The following MLIP variants were observed in gnomAD, a reference collection of about 807,000 sequenced individuals.
MLIP encodes muscular LMNA-interacting protein.
MLIP carries 79 observed loss-of-function variants against 84.8 expected under a neutral mutation model. That is an observed-to-expected ratio of 0.93 (90% confidence interval 0.78 to 1.12). The LOEUF is 1.12. MLIP is among the 50% of genes most tolerant of loss of function. The pLI is 0.00. For missense variants in MLIP, 1,257 were observed against 1,160.6 expected (o/e 1.08, Z -1.21); for synonymous variants, 504 against 463.0 (o/e 1.09, Z -1.14).
Position 54,238,920 on chromosome 6 carries a change from T to C in MLIP, c.2922+8003T>C, listed in dbSNP as rs9395915. Among the ~76,000 whole-genome samples the C allele has an allele frequency of 2.8e-3, 430 of 152,332 alleles. 6 individuals carry two copies. The highest frequency in any genetic ancestry group is 0.02 in the South Asian group (98 of 4,828). The stretch of plus-strand genomic sequence containing the variant: ...GATCTTTGTGTGTTGTTTGTAACCA[T>C]ACACTATTTTATTTCAAGTCTGCTT... On this transcript the variant is annotated intron_variant, in intron 12 of 13. Coordinates refer to ENST00000502396, the MANE Select transcript of MLIP (RefSeq NM_001281747.2).
chr6:54,191,122 T>G (rs1777883481), intron 10 of MLIP, among the ~76,000 whole-genome samples: 1 of 152,084 alleles, frequency 6.6e-6, no homozygotes, highest in South Asian at 2.1e-4. Context: ...CTTTGGCTAT[T>G]TATTGTCTAA....
intron 7 of MLIP, 44 bp from the exon 8 acceptor site, chr6:54,160,696 C>T (rs774639482): frequency 6.9e-5 from 104 of 1,514,104 alleles, no homozygotes; most frequent in East Asian, 9.1e-5. Context: ...TTGTCCTTTT[C>T]TTTCCTTTTC....
At chr6:54,232,995 TA>T (rs1781110875) in intron 12 of MLIP, among the ~76,000 whole-genome samples, 1 of 152,178 alleles carries the variant, frequency 6.6e-6, no homozygotes, top group African/African-American at 2.4e-5. Context: ...CCTCATGTCC[TA>T]AATCTTCACC....
Position 54,124,751 on chromosome 6 carries a change from C to T in MLIP, c.531C>T (p.Ile177=), listed in dbSNP as rs1384213361. Residue 177 remains isoleucine (I), a synonymous_variant, in exon 3 of 14, where the codon ATC becomes ATT. Transcript: ENST00000502396. Reference sequence around the variant, plus strand: ...CTGTCCGGCCCAAGTCTCTAGCTATCTCGTCCAGTCTGGTCTCTGATGTAG... The same window carrying T: ...CTGTCCGGCCCAAGTCTCTAGCTATTTCGTCCAGTCTGGTCTCTGATGTAG... ...TAAVRPKSLA[I]SSSLVSDVVR... 3.1e-6 allele frequency: 5 copies of T among 1,614,080 alleles called. No individual in the cohort carries two copies. The highest frequency in any genetic ancestry group is 1.3e-5 in the African/African-American group (1 of 74,938).
intron 1 of MLIP, among the ~76,000 whole-genome samples, chr6:54,057,317 G>T (rs558896008): frequency 2.5e-4 from 38 of 152,178 alleles, no homozygotes; most frequent in Non-Finnish European, 4.9e-4. Flanking sequence ...AGGTTTCTAA[G>T]TTCAGTAGTT....
intron 4 of MLIP, among the ~76,000 whole-genome samples, chr6:54,141,964 G>A (rs1024327734): frequency 1.3e-5 from 2 of 152,080 alleles, no homozygotes; most frequent in Non-Finnish European, 2.9e-5. Context: ...CTTTATAACT[G>A]GTGTTTTATT....
At chr6:54,165,384 C>T (rs1347068158) in intron 8 of MLIP, among the ~76,000 whole-genome samples, 2 of 151,866 alleles carry the variant, frequency 1.3e-5, no homozygotes, top group African/African-American at 4.8e-5. Context: ...CAGAAGCTAG[C>T]CAGTTGTTGA....
intron 8 of MLIP, among the ~76,000 whole-genome samples, chr6:54,166,467 G>C (rs1295722489): frequency 2.0e-5 from 3 of 151,824 alleles, no homozygotes; most frequent in African/African-American, 4.8e-5. Flanking sequence ...ACCCAGTCCT[G>C]AGTTGAGATG....
intron 12 of MLIP, among the ~76,000 whole-genome samples, chr6:54,254,271 C>T (rs761814978): frequency 7.3e-5 from 11 of 151,474 alleles, no homozygotes; most frequent in South Asian, 6.3e-4. Flanking sequence ...GGACTGCAGA[C>T]GCACACCACC....
intron 1 of MLIP, among the ~76,000 whole-genome samples, chr6:54,056,905 A>T (rs1765693670): frequency 6.6e-6 from 1 of 152,242 alleles, no homozygotes; most frequent in Admixed American, 6.5e-5. Flanking sequence ...CTCTACCATG[A>T]TTTGTACAAT....
intron 1 of MLIP, among the ~76,000 whole-genome samples, chr6:54,106,221 G>T (rs1013872626): frequency 1.7e-4 from 26 of 152,106 alleles, no homozygotes; most frequent in African/African-American, 6.3e-4. Context: ...TGGAGTGAGG[G>T]GGCCAGGATT....
At chr6:54,028,274 C>T (rs986517614) in intron 1 of MLIP, among the ~76,000 whole-genome samples, 1 of 152,058 alleles carries the variant, frequency 6.6e-6, no homozygotes, top group Non-Finnish European at 1.5e-5. Flanking sequence ...TGGGAAGACA[C>T]CCCCCTCCAC....
chr6:54,103,136 T>C (rs1439725832), intron 1 of MLIP, among the ~76,000 whole-genome samples: 2 of 152,098 alleles, frequency 1.3e-5, no homozygotes, highest in Non-Finnish European at 2.9e-5. Context: ...ATGCCTTACT[T>C]AATCTTACTC....
intron 4 of MLIP, among the ~76,000 whole-genome samples, chr6:54,141,706 A>G (rs907909778): frequency 5.9e-5 from 9 of 152,102 alleles, no homozygotes; most frequent in African/African-American, 1.9e-4. Flanking sequence ...TGGGTCCCCA[A>G]TCTGTTCTGC....
chr6:54,213,839 G>C (rs1305786317), intron 11 of MLIP, among the ~76,000 whole-genome samples: 1 of 150,098 alleles, frequency 6.7e-6, no homozygotes, highest in Non-Finnish European at 1.5e-5. Context: ...AATCAATAAA[G>C]TTGTAATTAG....
At chr6:54,081,667 C>A (rs2150358189) in intron 1 of MLIP, among the ~76,000 whole-genome samples, 1 of 152,272 alleles carries the variant, frequency 6.6e-6, no homozygotes, top group East Asian at 1.9e-4. Flanking sequence ...CCCGCCCCGG[C>A]CTCCCAAAGT....
rs147759665 is a variant in MLIP, at chr6:54,118,241, G to A, written c.97-3206G>A. Among the ~76,000 whole-genome samples the A allele has an allele frequency of 1.6e-4, 24 of 152,232 alleles. No individual in the cohort carries two copies. In the East Asian group the frequency reaches 2.9e-3, roughly 18 times the overall value. ...TTGAGCAACAAGAACAAAGCTGGAG[G>A]GATCACACTGCCTGAATTCACAGTA... On this transcript the variant is annotated intron_variant, in intron 1 of 13. Coordinates refer to ENST00000502396, the MANE Select transcript of MLIP (RefSeq NM_001281747.2).
chr6:54,157,261 T>C (rs1008286539), intron 5 of MLIP, among the ~76,000 whole-genome samples: 2 of 152,098 alleles, frequency 1.3e-5, no homozygotes, highest in African/African-American at 4.8e-5. Context: ...AGGTCGCATG[T>C]GGTGTAAGGC....
intron 1 of MLIP, among the ~76,000 whole-genome samples, chr6:54,117,314 A>G (rs1045581028): frequency 6.8e-6 from 1 of 146,190 alleles, no homozygotes; most frequent in African/African-American, 2.6e-5. Context: ...TCCCAGGTTC[A>G]TGCTGTTCTC....
Sources: gnomAD v4.1 joint callset for allele counts (sites outside exome capture counted in the v4.1 genomes callset) on GRCh38, gnomAD v4.1.1 for gene constraint, MANE v1.5 for transcripts, NCBI Gene and HGNC (gene_info 2026-07-23, HGNC 2026-07-21) for gene names.